CDH2: variants seen among roughly 807,000 people sequenced by gnomAD.
CDH2 encodes cadherin-2.
In CDH2, 17 loss-of-function variants were observed where a neutral mutation model predicts 92.0. The observed-to-expected ratio is 0.18, with a 90% confidence interval of 0.13 to 0.28. The LOEUF (loss-of-function observed/expected upper bound fraction) is 0.28. Ranked by LOEUF, CDH2 falls within the 10% of genes least tolerant of loss-of-function variation. The probability of loss-of-function intolerance (pLI) is 1.00; values close to 1 mark genes in which losing one functional copy is unlikely to be tolerated. For missense variants in CDH2, 862 were observed against 1,133.1 expected (o/e 0.76, Z 3.44); for synonymous variants, 419 against 415.9 (o/e 1.01, Z -0.09).
intron 2 of CDH2, among the ~76,000 whole-genome samples, chr18:28,091,625 C>A (rs1465846734): frequency 6.6e-6 from 1 of 152,146 alleles, no homozygotes; most frequent in Non-Finnish European, 1.5e-5. Flanking sequence ...ACTTTAAAGA[C>A]AACTTACTGA....
chr18:27,985,015 T>C lies in CDH2; in HGVS notation c.2194A>G (p.Ile732Val), dbSNP rs762635467. ...TGAIIAILLC[I>V]IILLILVLMF... ...AAGTACTCACTAAGCAGGATGATGA[T>C]GCAGAGCAGGATGGCAATGATGGCA... Residue 732 changes from isoleucine (I) to valine (V), a missense_variant, in exon 13 of 16, where the codon ATC (isoleucine) becomes GTC (valine). Coordinates refer to ENST00000269141, the MANE Select transcript of CDH2 (RefSeq NM_001792.5). The C allele has an allele frequency of 3.1e-6, 5 of 1,612,954 alleles. No homozygotes were observed. In the East Asian group the frequency reaches 8.9e-5, roughly 29 times the overall value.
intron 2 of CDH2, among the ~76,000 whole-genome samples, chr18:28,103,444 A>T (rs1358949652): frequency 3.0e-5 from 2 of 66,874 alleles, no homozygotes; most frequent in Non-Finnish European, 5.4e-5. Context: ...AAGTATGTTT[A>T]TATATATATA....
chr18:27,934,003 T>A (rs151073955), intron 6 of CDH2, among the ~76,000 whole-genome samples: 112 of 152,366 alleles, frequency 7.4e-4, no homozygotes, highest in African/African-American at 2.6e-3. Flanking sequence ...AAATATGTTA[T>A]CAGCCAGTAA....
intron 6 of CDH2, among the ~76,000 whole-genome samples, chr18:28,004,492 CTT>C (rs2012857922): frequency 1.3e-5 from 2 of 152,152 alleles, no homozygotes; most frequent in East Asian, 1.9e-4. Flanking sequence ...AGCTGACAGT[CTT>C]TTATTTATGG....
At chr18:27,963,222 CAAGATG>C in intron 15 of CDH2, 129 bp downstream of exon 15, 2 of 702,992 alleles carry the variant, frequency 2.8e-6, no homozygotes, top group South Asian at 6.4e-5. Context: ...TGCTTTCACA[CAAGATG>C]AACTTCAGAA....
intron 2 of CDH2, among the ~76,000 whole-genome samples, chr18:28,065,722 T>C (rs537484525): frequency 6.6e-6 from 1 of 152,314 alleles, no homozygotes; most frequent in East Asian, 1.9e-4. Flanking sequence ...TTTATCATCA[T>C]TATCATCCTG....
rs201355003 is a variant in CDH2 at position 28,013,958 on chromosome 18, CA to C, written c.173-50del. The C allele has an allele frequency of 5.6e-4, 731 of 1,300,598 alleles. 1 individual carries two copies. The highest frequency in any genetic ancestry group is 1.4e-3 in the South Asian group (106 of 77,792). 80.6% of individuals were successfully genotyped at this position (1,300,598 alleles called of 1,614,324 possible). On this transcript the variant is annotated intron_variant, in intron 2 of 15. Coordinates refer to ENST00000269141, the MANE Select transcript of CDH2 (RefSeq NM_001792.5). ...AGTTATTATAATTATACCAAAAAGG[CA>C]AAAAAAAACCCCTAATACTTAAACC...
chr18:28,167,294 T>C (rs932994960), intron 1 of CDH2, among the ~76,000 whole-genome samples: 2 of 152,132 alleles, frequency 1.3e-5, no homozygotes, highest in Admixed American at 1.3e-4. Flanking sequence ...ACCAGAACTA[T>C]GGCAAAAGAT....
At chr18:27,950,663 C>G (rs1909396957), downstream of CDH2, among the ~76,000 whole-genome samples, 1 of 152,038 alleles carries the variant, frequency 6.6e-6, no homozygotes, top group African/African-American at 2.4e-5. Flanking sequence ...TGAGCAGAAA[C>G]AAATTAAAAC....
At chr18:28,105,310 T>A (rs914479217) in intron 2 of CDH2, among the ~76,000 whole-genome samples, 4 of 152,162 alleles carry the variant, frequency 2.6e-5, no homozygotes, top group African/African-American at 9.7e-5. Context: ...TACCTTTCAA[T>A]TAATGCAAAT....
chr18:28,177,118 G>A lies in CDH2; in HGVS notation c.-96C>T, dbSNP rs1301270695. The A allele has an allele frequency of 8.1e-6, 7 of 865,228 alleles. No homozygotes were observed. Among genetic ancestry groups the A allele is most frequent in the Non-Finnish European group, 1.0e-5 (6 of 580,974 alleles). The allele number at this position is 865,228 out of a possible 1,614,324, so 53.6% of individuals were successfully genotyped here. ...AGGCAGCGGCAGCACCAACAGCGGC[G>A]CGGAGAAACGGCTCCAGGCAGTTTC... is the stretch of plus-strand genomic sequence containing the variant. On this transcript the variant is annotated 5_prime_UTR_variant, in exon 1 of 16. Coordinates refer to ENST00000269141, the MANE Select transcript of CDH2 (RefSeq NM_001792.5).
chr18:28,037,625 T>A (rs1379391925), intron 2 of CDH2, among the ~76,000 whole-genome samples: 2 of 152,034 alleles, frequency 1.3e-5, no homozygotes, highest in Non-Finnish European at 2.9e-5. Flanking sequence ...CAATGACACC[T>A]CCAAGGGAAA....
intron 2 of CDH2, among the ~76,000 whole-genome samples, chr18:28,021,485 CAA>C (rs2013409105): frequency 6.6e-6 from 1 of 151,804 alleles, no homozygotes; most frequent in African/African-American, 2.4e-5. Flanking sequence ...TATTAAACAA[CAA>C]ATTTATTATT....
chr18:28,154,175 T>C (rs931675505), intron 1 of CDH2, among the ~76,000 whole-genome samples: 1 of 152,248 alleles, frequency 6.6e-6, no homozygotes, highest in Non-Finnish European at 1.5e-5. Flanking sequence ...AACCATGATT[T>C]TTCTGTTCTT....
At chr18:27,949,505 T>C (rs1909357127), downstream of CDH2, among the ~76,000 whole-genome samples, 1 of 152,088 alleles carries the variant, frequency 6.6e-6, no homozygotes, top group African/African-American at 2.4e-5. Context: ...TATGGAATAA[T>C]ATGTAGCAGT....
chr18:28,056,463 TTCA>T, intron 2 of CDH2, among the ~76,000 whole-genome samples: 1 of 152,158 alleles, frequency 6.6e-6, no homozygotes. Context: ...ATCCTTGCGC[TTCA>T]TTTTGTCTTT....
At chr18:27,962,943 G>A (rs917759491) in intron 15 of CDH2, among the ~76,000 whole-genome samples, 2 of 152,104 alleles carry the variant, frequency 1.3e-5, no homozygotes, top group African/African-American at 4.8e-5. Context: ...GAATTCTCAC[G>A]ATTTGTGGGA....
chr18:28,031,635 C>T (rs1159452143), intron 2 of CDH2, among the ~76,000 whole-genome samples: 1 of 151,946 alleles, frequency 6.6e-6, no homozygotes, highest in Non-Finnish European at 1.5e-5. Context: ...TGCTTCAGGG[C>T]CTTGTTTGTA....
chr18:28,161,580 GAA>G (rs35615619), intron 1 of CDH2, among the ~76,000 whole-genome samples: 8 of 49,784 alleles, frequency 1.6e-4, no homozygotes, highest in Non-Finnish European at 2.4e-4. Flanking sequence ...ACCCTGTCTC[GAA>G]AAAAAAAAAA....
Sources: allele counts gnomAD v4.1 joint callset (sites outside exome capture counted in the v4.1 genomes callset), GRCh38; gene constraint gnomAD v4.1.1; transcripts MANE v1.5; gene names NCBI Gene and HGNC (gene_info 2026-07-23, HGNC 2026-07-21).